Variants in PLPPR1 observed in about 807,000 individuals in gnomAD.
PLPPR1 encodes phospholipid phosphatase-related protein type 1.
Under a neutral mutation model 33.1 loss-of-function variants are expected in PLPPR1, and 10 were observed. That is an observed-to-expected ratio of 0.30 (90% CI 0.19 to 0.51). The LOEUF is 0.51. Ranked by LOEUF, PLPPR1 falls within the 20% of genes least tolerant of loss-of-function variation. The pLI is 0.97. For synonymous variants in PLPPR1, 151 were observed against 151.0 expected (o/e 1.00, Z 0.00); for missense variants, 304 against 408.1 (o/e 0.74, Z 2.20).
intron 2 of PLPPR1, among the ~76,000 whole-genome samples, chr9:101,243,964 G>A (rs1827532969): frequency 6.6e-6 from 1 of 151,752 alleles, no homozygotes; most frequent in Non-Finnish European, 1.5e-5. Context: ...GACCATTTGA[G>A]GTGTGCACAT....
intron 1 of PLPPR1, among the ~76,000 whole-genome samples, chr9:101,078,163 AGAAGAAGAAGAAGAAGAAGAAGAG>A (rs1830567118): frequency 3.4e-5 from 1 of 29,618 alleles, no homozygotes. Flanking sequence ...AAGAAGAAGA[AGAAGAAGAAGAAGAAGAAGAAGAG>A]GAGGGGGGGA....
At chr9:101,230,881 AATTT>A (rs967768434) in intron 2 of PLPPR1, among the ~76,000 whole-genome samples, 5 of 150,090 alleles carry the variant, frequency 3.3e-5, no homozygotes, top group African/African-American at 1.0e-4. Flanking sequence ...AGGTTTTTAA[AATTT>A]ATTTATTTTT....
At chr9:101,108,643 A>C (rs2118569044) in intron 1 of PLPPR1, among the ~76,000 whole-genome samples, 1 of 152,322 alleles carries the variant, frequency 6.6e-6, no homozygotes, top group Admixed American at 6.5e-5. Flanking sequence ...AGAGAAAATA[A>C]AAACCAATAG....
At chr9:101,302,527 G>C (rs1051324664) in intron 4 of PLPPR1, among the ~76,000 whole-genome samples, 1 of 152,166 alleles carries the variant, frequency 6.6e-6, no homozygotes, top group East Asian at 1.9e-4. Flanking sequence ...TTTCTACTGG[G>C]GATCCTGATG....
chr9:101,116,962 C>G (rs1379860800), intron 1 of PLPPR1, among the ~76,000 whole-genome samples: 1 of 152,126 alleles, frequency 6.6e-6, no homozygotes, highest in Non-Finnish European at 1.5e-5. Context: ...GACCAGGCTT[C>G]TCTCTACCCT....
chr9:101,057,484 A>C (rs925935576), intron 1 of PLPPR1, among the ~76,000 whole-genome samples: 1 of 152,176 alleles, frequency 6.6e-6, no homozygotes, highest in Non-Finnish European at 1.5e-5. Flanking sequence ...TTTAACTGTT[A>C]TATATTAATG....
At position 101,054,503 on chromosome 9, in the gene PLPPR1, G is replaced by A. The variant is rs117947956; in HGVS notation, c.-46+25401G>A. ...GAACAGAATCCAAAATGGTATTGGCGTACTGGCATTAAGGTGTAATATTTC... is the reference window on the plus strand; with the variant it reads ...GAACAGAATCCAAAATGGTATTGGCATACTGGCATTAAGGTGTAATATTTC... On this transcript the variant is annotated intron_variant, in intron 1 of 7. Transcript: ENST00000374874. 3.3e-4 allele frequency among the ~76,000 whole-genome samples: 50 copies of A among 152,272 alleles called. 1 individual carries two copies. In the East Asian group the frequency reaches 5.2e-3, roughly 16 times the overall value.
At chr9:101,226,513 T>C (rs958564817) in intron 2 of PLPPR1, among the ~76,000 whole-genome samples, 1 of 152,112 alleles carries the variant, frequency 6.6e-6, no homozygotes, top group African/African-American at 2.4e-5. Context: ...GATCAAGGCA[T>C]TGATAGATTC....
intron 2 of PLPPR1, among the ~76,000 whole-genome samples, chr9:101,225,307 CT>C (rs1827041117): frequency 6.6e-6 from 1 of 152,148 alleles, no homozygotes; most frequent in Admixed American, 6.5e-5. Context: ...TACATGACAT[CT>C]TTAATGTTTC....
At chr9:101,264,417 T>C (rs1295689433) in intron 2 of PLPPR1, among the ~76,000 whole-genome samples, 1 of 152,118 alleles carries the variant, frequency 6.6e-6, no homozygotes, top group African/African-American at 2.4e-5. Context: ...CCTCATGCAA[T>C]ATCCCCCCTT....
chr9:101,293,874 TA>T (rs1254411053), intron 4 of PLPPR1, among the ~76,000 whole-genome samples: 1 of 151,430 alleles, frequency 6.6e-6, no homozygotes, highest in East Asian at 1.9e-4. Flanking sequence ...ATTGACACCC[TA>T]ACATCACAAT....
At chr9:101,190,555 T>C (rs1459779935) in intron 2 of PLPPR1, among the ~76,000 whole-genome samples, 1 of 152,068 alleles carries the variant, frequency 6.6e-6, no homozygotes, top group Non-Finnish European at 1.5e-5. Context: ...AGTTTTGACT[T>C]GGGGATGTTT....
chr9:101,212,773 A>G (rs1263392035), intron 2 of PLPPR1, among the ~76,000 whole-genome samples: 1 of 152,174 alleles, frequency 6.6e-6, no homozygotes, highest in Non-Finnish European at 1.5e-5. Flanking sequence ...GGAATGAGAG[A>G]TATCTGTAAC....
At chr9:101,117,016 C>T (rs1228600007) in intron 1 of PLPPR1, among the ~76,000 whole-genome samples, 1 of 152,032 alleles carries the variant, frequency 6.6e-6, no homozygotes, top group Non-Finnish European at 1.5e-5. Context: ...ATCATATCAT[C>T]GTTCCTATTC....
At position 101,070,556 on chromosome 9, in the gene PLPPR1, C is replaced by G. The variant is rs78664327; in HGVS notation, c.-46+41454C>G. 6.9e-3 allele frequency among the ~76,000 whole-genome samples: 1,050 copies of G among 152,182 alleles called. 13 individuals are homozygous for G. The highest frequency in any genetic ancestry group is 0.024 in the African/African-American group (1,014 of 41,538). ...TCATACAGACGAGAAATGCTTCTTT[C>G]TAGGACTAAGGATTGAGCACTGGCT... On this transcript the variant is annotated intron_variant, in intron 1 of 7. Coordinates refer to ENST00000374874, the MANE Select transcript of PLPPR1 (RefSeq NM_207299.2).
intron 1 of PLPPR1, among the ~76,000 whole-genome samples, chr9:101,149,782 T>C (rs1303462735): frequency 1.3e-5 from 2 of 152,154 alleles, no homozygotes; most frequent in Non-Finnish European, 2.9e-5. Flanking sequence ...ATCAATACTA[T>C]GTCAGGCTTT....
At chr9:101,073,965 A>G (rs1189936693) in intron 1 of PLPPR1, among the ~76,000 whole-genome samples, 1 of 152,194 alleles carries the variant, frequency 6.6e-6, no homozygotes, top group Non-Finnish European at 1.5e-5. Context: ...AAAAATCACA[A>G]AATGAGAAAG....
At chr9:101,142,297 T>C (rs926073551) in intron 1 of PLPPR1, among the ~76,000 whole-genome samples, 12 of 152,196 alleles carry the variant, frequency 7.9e-5, no homozygotes, top group Non-Finnish European at 1.5e-4. Flanking sequence ...TGGTCATACA[T>C]TTTGAGTGAC....
In PLPPR1 at chr9:101,051,266, ACTACTACTT is replaced by A. The variant is rs757762432; in HGVS notation, c.-46+22173_-46+22181del. Among the ~76,000 whole-genome samples the A allele has an allele frequency of 5.8e-3, 880 of 151,502 alleles. 2 individuals are homozygous for A. Among genetic ancestry groups the A allele is most frequent in the Middle Eastern group, 0.01 (3 of 292 alleles). On this transcript the variant is annotated intron_variant, in intron 1 of 7. Transcript: ENST00000374874. ...CTTTGTTACTACTACTACTACTACT[ACTACTACTT>A]CTACTACTACTACTACTACCACTAC...
Sources: gnomAD v4.1 joint callset for allele counts (sites outside exome capture counted in the v4.1 genomes callset) on GRCh38, gnomAD v4.1.1 for gene constraint, MANE v1.5 for transcripts, NCBI Gene and HGNC (gene_info 2026-07-23, HGNC 2026-07-21) for gene names.